Variants in CLEC18B observed in about 807,000 individuals in gnomAD.
CLEC18B encodes C-type lectin domain family 18 member B.
Under a neutral mutation model 60.4 loss-of-function variants are expected in CLEC18B, and 5 were observed. The ratio of observed to expected loss-of-function variants is 0.08; its 90% CI spans 0.04 to 0.17. The LOEUF (loss-of-function observed/expected upper bound fraction) is 0.17, where lower values mean the gene tolerates loss of function less well. CLEC18B is among the 10% of genes least tolerant of loss of function. CLEC18B has a pLI of 1.00. For synonymous variants in CLEC18B, 16 were observed against 221.2 expected (o/e 0.07, Z 8.23); for missense variants, 26 against 572.8 (o/e 0.05, Z 9.74).
upstream of CLEC18B, among the ~76,000 whole-genome samples, chr16:74,423,282 C>CA (rs1203432500): frequency 6.6e-6 from 1 of 151,542 alleles, no homozygotes; most frequent in African/African-American, 2.4e-5. Context: ...CAAACACGGC[C>CA]AGTTGACCCA....
At chr16:74,413,888 T>A (rs866490093) in intron 3 of CLEC18B, among the ~76,000 whole-genome samples, 2 of 34,620 alleles carry the variant, frequency 5.8e-5, no homozygotes, top group African/African-American at 1.1e-4. Flanking sequence ...TTATTTATTT[T>A]TGAGATGGAG....
chr16:74,423,976 G>T (rs1250956723), upstream of CLEC18B, among the ~76,000 whole-genome samples: 2 of 152,206 alleles, frequency 1.3e-5, no homozygotes. Context: ...TCGGTGGCTG[G>T]GGTGGGTTTG....
rs1303991198 is a variant in CLEC18B at position 74,410,043 on chromosome 16, A to C, written c.1212-402T>G. Among the ~76,000 whole-genome samples the C allele has an allele frequency of 2.0e-5, 3 of 152,258 alleles. No individual in the cohort carries two copies. In the East Asian group the frequency reaches 5.8e-4, roughly 29 times the overall value. On this transcript the variant is annotated intron_variant, in intron 10 of 11. Transcript: ENST00000682950. ...GAGCCCTTGGTGGCCTCGCAGCCGG[A>C]CCACCTCCACCCTGGCCCTGGGCAT...
At chr16:74,413,841 C>G (rs1386069139) in intron 3 of CLEC18B, among the ~76,000 whole-genome samples, 165 bp from the exon 4 acceptor site, 2 of 126,248 alleles carry the variant, frequency 1.6e-5, no homozygotes, top group African/African-American at 2.8e-5. Flanking sequence ...GGGAATAGTT[C>G]AGGAAGGCTT....
chr16:74,414,420 G>A (rs1390980101), intron 3 of CLEC18B, among the ~76,000 whole-genome samples: 1 of 151,782 alleles, frequency 6.6e-6, no homozygotes, highest in African/African-American at 2.4e-5. Flanking sequence ...CTCTGTAACT[G>A]GTTTGGCCAC....
At chr16:74,421,064 C>G in intron 1 of CLEC18B, 83 bp downstream of exon 1, 2 of 1,488,102 alleles carry the variant, frequency 1.3e-6, no homozygotes, top group South Asian at 1.3e-5. Context: ...GGCCTGGGAC[C>G]GGGCTTCCAG....
At chr16:74,410,450 C>T (rs1174215241) in intron 10 of CLEC18B, 86 bp downstream of exon 10, 1 of 1,609,980 alleles carries the variant, frequency 6.2e-7, no homozygotes, top group African/African-American at 1.3e-5. Context: ...CCTCAAAGGG[C>T]CCAGCCAGGC....
intron 2 of CLEC18B, among the ~76,000 whole-genome samples, chr16:74,418,950 C>T (rs1411164847): frequency 1.3e-5 from 2 of 152,186 alleles, no homozygotes; most frequent in Admixed American, 6.5e-5. Flanking sequence ...TGTGACACCA[C>T]ACCTGGCTAA....
chr16:74,417,033 G>A (rs1312888686), intron 3 of CLEC18B, among the ~76,000 whole-genome samples: 6 of 151,478 alleles, frequency 4.0e-5, no homozygotes, highest in Admixed American at 2.6e-4. Flanking sequence ...GGAGGCCCAC[G>A]CAGGTGGATC....
chr16:74,418,757 A>C (rs1352614737), intron 2 of CLEC18B, among the ~76,000 whole-genome samples: 3 of 151,634 alleles, frequency 2.0e-5, no homozygotes, highest in African/African-American at 4.8e-5. Flanking sequence ...CTGGCCTCAT[A>C]TGCTCCCCAC....
Position 74,421,408 on chromosome 16 carries a change from A to G in CLEC18B, c.-138T>C, listed in dbSNP as rs1597190117. Reference sequence around the variant, plus strand: ...GACAAAAGAGGGGGGCTGGTGAACAAAAGAAGGAGGCTGGTGAGTGAGTAA... The same window carrying G: ...GACAAAAGAGGGGGGCTGGTGAACAGAAGAAGGAGGCTGGTGAGTGAGTAA... On this transcript the variant is annotated 5_prime_UTR_variant, in exon 1 of 12. Transcript: ENST00000682950. The G allele has an allele frequency of 3.1e-6, 5 of 1,589,440 alleles. No homozygotes were observed. The highest frequency in any genetic ancestry group is 2.3e-5 in the South Asian group (2 of 87,238).
upstream of CLEC18B, chr16:74,421,813 G>C (rs1188958103): frequency 1.4e-5 from 2 of 145,898 alleles, no homozygotes; most frequent in African/African-American, 5.3e-5. Flanking sequence ...TTCCTTTCTT[G>C]GGAAGCTCGT....
chr16:74,418,918 C>T (rs564108455), intron 2 of CLEC18B, among the ~76,000 whole-genome samples: 2 of 152,190 alleles, frequency 1.3e-5, no homozygotes, highest in East Asian at 3.9e-4. Context: ...CTCAGCCTCC[C>T]AAGCAGCTGG....
chr16:74,413,378 G>C (rs902764072), intron 4 of CLEC18B, among the ~76,000 whole-genome samples: 2 of 152,282 alleles, frequency 1.3e-5, no homozygotes, highest in African/African-American at 4.8e-5. Context: ...ATCCAGGAAG[G>C]GACATCCGCA....
In CLEC18B at chr16:74,421,368, C is replaced by T. The variant is rs2013680024; in HGVS notation, c.-98G>A. 3 of 1,604,170 alleles carry T rather than the reference C, an allele frequency of 1.9e-6. No individual in the cohort carries two copies. Among genetic ancestry groups the T allele is most frequent in the African/African-American group, 2.7e-5 (2 of 74,736 alleles). ...GGAGCTATTCACAATCTCCAGGAGT[C>T]AGGCTGGGCTGGTGGACAAAAGAGG... On this transcript the variant is annotated 5_prime_UTR_variant, in exon 1 of 12. Coordinates refer to ENST00000682950, the MANE Select transcript of CLEC18B (RefSeq NM_001385193.1).
At chr16:74,419,001 C>T (rs920119819) in intron 2 of CLEC18B, among the ~76,000 whole-genome samples, 1 of 152,256 alleles carries the variant, frequency 6.6e-6, no homozygotes, top group African/African-American at 2.4e-5. Context: ...ACCATGTTGG[C>T]CATTGCTGGT....
intron 2 of CLEC18B, among the ~76,000 whole-genome samples, chr16:74,420,031 A>G (rs921290727): frequency 1.9e-4 from 29 of 152,272 alleles, no homozygotes; most frequent in Admixed American, 2.0e-4. Context: ...TGAGCAGAGA[A>G]CATGGGCAAG....
intron 10 of CLEC18B, among the ~76,000 whole-genome samples, chr16:74,410,324 T>C (rs2013075920): frequency 1.3e-5 from 2 of 152,284 alleles, no homozygotes; most frequent in South Asian, 2.1e-4. Context: ...CCTGGGTCCC[T>C]CTCTCCCCCA....
At chr16:74,415,979 G>T (rs2013397713) in intron 3 of CLEC18B, among the ~76,000 whole-genome samples, 1 of 152,232 alleles carries the variant, frequency 6.6e-6, no homozygotes, top group Non-Finnish European at 1.5e-5. Flanking sequence ...AAGGAGCCAA[G>T]GCTGGGCACA....
Sources: allele counts gnomAD v4.1 joint callset (sites outside exome capture counted in the v4.1 genomes callset), GRCh38; gene constraint gnomAD v4.1.1; transcripts MANE v1.5; gene names NCBI Gene and HGNC (gene_info 2026-07-23, HGNC 2026-07-21).